DDX1: variants seen among roughly 807,000 people sequenced by gnomAD.
DDX1 encodes ATP-dependent RNA helicase DDX1.
A neutral mutation model predicts 108.7 loss-of-function variants in DDX1; 28 were observed. That is an observed-to-expected ratio of 0.26 (90% CI 0.19 to 0.35). DDX1 has a LOEUF of 0.35. Ranked by LOEUF, DDX1 falls within the 10% of genes least tolerant of loss-of-function variation. The pLI is 1.00. For missense variants in DDX1, 710 were observed against 884.5 expected, an observed-to-expected ratio of 0.80 and a Z score of 2.50; for synonymous variants, 295 against 288.9, an observed-to-expected ratio of 1.02 and a Z score of -0.21.
Position 15,602,548 on chromosome 2 carries a change from C to G in DDX1, c.308C>G (p.Ala103Gly). The G allele has an allele frequency of 6.2e-7, 1 of 1,612,020 alleles. No homozygotes were observed. The highest frequency in any genetic ancestry group is 8.5e-7 in the Non-Finnish European group (1 of 1,178,148). Residue 103 changes from alanine to glycine, a missense_variant and splice_region_variant, in exon 7 of 26, where the codon GCA (alanine) becomes GGA (glycine). This residue lies in a region of DDX1 where 661 missense variants were observed against 810.2 expected (regional missense o/e 0.82). Transcript: ENST00000233084. ...MNPYDRGSAF[A>G]IGSDGLCCQS... The stretch of plus-strand genomic sequence containing the variant: ...TTCTGTGTTTTCTTCTCAAATCCAG[C>G]AATTGGGTCAGATGGTCTTTGTTGT...
chr2:15,610,433 T>G (rs1274017828), intron 13 of DDX1, among the ~76,000 whole-genome samples: 1 of 152,232 alleles, frequency 6.6e-6, no homozygotes, highest in Non-Finnish European at 1.5e-5. Flanking sequence ...TAGAGTTAAT[T>G]TCTGTGTATG....
intron 13 of DDX1, among the ~76,000 whole-genome samples, chr2:15,611,672 G>A (rs1222333061): frequency 8.8e-6 from 1 of 113,430 alleles, no homozygotes; most frequent in African/African-American, 4.6e-5. Flanking sequence ...CGGACGGGGC[G>A]GCTGGCCGGG....
At position 15,616,792 on chromosome 2, in the gene DDX1, C is replaced by T. The variant is rs3770464; in HGVS notation, c.1018-452C>T. ...GGGACACTCTGCGTCTAGTGCTTTA[C>T]GCATCTTATCTCTTAATTATCACAA... On this transcript the variant is annotated intron_variant, in intron 14 of 25. Coordinates refer to ENST00000233084, the MANE Select transcript of DDX1 (RefSeq NM_004939.3). 0.017 allele frequency among the ~76,000 whole-genome samples: 2,528 copies of T among 152,228 alleles called. 116 individuals are homozygous for T. The East Asian group carries it at 0.22, about 13-fold the overall frequency.
chr2:15,596,915 C>T, intron 4 of DDX1, 152 bp downstream of exon 4: 3 of 665,260 alleles, frequency 4.5e-6, no homozygotes, highest in Non-Finnish European at 7.7e-6. Context: ...TTTTTGTTGC[C>T]AGCTAATTAT....
At position 15,628,829 on chromosome 2, in the gene DDX1, A is replaced by C; in HGVS notation, c.1865A>C (p.Glu622Ala). ...MGLAISLVAT[E>A]KEKVWYHVCS... ...CTGGCAATTTCCCTGGTGGCAACAG[A>C]AAAAGAAAAGGTAATCTTTGTAGGG... The change falls in exon 23 of 26, where the codon GAA becomes GCA. Residue 622 changes from glutamate to alanine, a missense_variant. Around this residue, in one of 3 missense-constraint regions of DDX1, gnomAD observed 661 missense variants for 810.2 expected, o/e 0.82. Coordinates refer to ENST00000233084, the MANE Select transcript of DDX1 (RefSeq NM_004939.3). 6.2e-7 allele frequency: 1 copy of C among 1,613,576 alleles called. No homozygotes were observed. The highest frequency in any genetic ancestry group is 2.2e-5 in the East Asian group (1 of 44,862).
intron 16 of DDX1, 75 bp downstream of exon 16, chr2:15,618,345 T>C (rs1665934244): frequency 2.5e-6 from 2 of 793,476 alleles, no homozygotes; most frequent in Non-Finnish European, 2.1e-6. Context: ...TCCCAGGGGG[T>C]GTTGCTTTTC....
intron 16 of DDX1, among the ~76,000 whole-genome samples, chr2:15,619,679 G>C (rs1202398979): frequency 2.6e-5 from 4 of 152,188 alleles, no homozygotes; most frequent in African/African-American, 9.7e-5. Flanking sequence ...AGTCTTAAAA[G>C]CTGCTTTTAG....
intron 24 of DDX1, 44 bp downstream of exon 24, chr2:15,629,741 A>G (rs1666161843): frequency 7.2e-7 from 1 of 1,388,126 alleles, no homozygotes; most frequent in African/African-American, 1.5e-5. Context: ...TTAAAATGGT[A>G]GAATAGAAAG....
In DDX1 at chr2:15,629,788, G is replaced by C. The variant is rs149299352; in HGVS notation, c.1971+91G>C. On this transcript the variant is annotated intron_variant, in intron 24 of 25. Transcript: ENST00000233084. ...AAAAATTATATCTTGGCTTTTATCT[G>C]TTTGTCACTTATAAGGGAAAGTCGT... 5.1e-5 allele frequency: 57 copies of C among 1,126,510 alleles called. No individual in the cohort carries two copies. In the East Asian group the frequency reaches 1.3e-3, roughly 26 times the overall value. 69.8% of individuals were successfully genotyped at this position (1,126,510 alleles called of 1,614,324 possible).
intron 1 of DDX1, 24 bp downstream of exon 1, chr2:15,591,973 G>C (rs199872014): frequency 2.1e-6 from 3 of 1,404,406 alleles, no homozygotes; most frequent in Admixed American, 3.4e-5. Context: ...AACTCTGGGG[G>C]TGGTGGGGCG....
At position 15,603,249 on chromosome 2, in the gene DDX1, C is replaced by T; in HGVS notation, c.449C>T (p.Ser150Phe). The change falls in exon 8 of 26, where the codon TCT becomes TTT. Residue 150 changes from serine (S) to phenylalanine (F), a missense_variant. Physicochemically the swap from Ser to Phe is radical, Grantham distance 155. This residue lies in a region of DDX1 where 661 missense variants were observed against 810.2 expected (regional missense o/e 0.82). Transcript: ENST00000233084. ...HDQGLCRVGWSTMQASLDLGT... is the reference protein window; with the variant it reads ...HDQGLCRVGWFTMQASLDLGT... The stretch of plus-strand genomic sequence containing the variant: ...CAAGGGTTATGCAGGGTCGGGTGGT[C>T]TACCATGCAGGCCTCTTTGGACCTA... The T allele has an allele frequency of 6.2e-7, 1 of 1,613,354 alleles. No individual in the cohort carries two copies.
chr2:15,597,914 A>G (rs1274122041), intron 5 of DDX1, among the ~76,000 whole-genome samples: 4 of 152,156 alleles, frequency 2.6e-5, no homozygotes, highest in Middle Eastern at 3.4e-3. Context: ...GGAACCACCT[A>G]GGAAGTTAAA....
chr2:15,610,867 TTTTTTTA>T (rs1665740278), intron 13 of DDX1, among the ~76,000 whole-genome samples: 1 of 151,980 alleles, frequency 6.6e-6, no homozygotes. Context: ...GACTTGTTTT[TTTTTTTA>T]TTTTTTATTT....
In DDX1 at chr2:15,629,974, T is replaced by C. The variant is rs748553487; in HGVS notation, c.1972-16T>C. ...AAATGAAATTTTTATTTGGAAATTTTCTCTCCATTACTTAGTTACTATCTG... is the reference window on the plus strand; with the variant it reads ...AAATGAAATTTTTATTTGGAAATTTCCTCTCCATTACTTAGTTACTATCTG... On this transcript the variant is annotated splice_polypyrimidine_tract_variant and intron_variant, in intron 24 of 25. Transcript: ENST00000233084. The C allele has an allele frequency of 3.2e-6, 5 of 1,562,508 alleles. No homozygotes were observed. In the South Asian group the frequency reaches 5.0e-5, roughly 15 times the overall value.
intron 13 of DDX1, among the ~76,000 whole-genome samples, chr2:15,609,328 A>G (rs1665717994): frequency 6.6e-6 from 1 of 152,236 alleles, no homozygotes; most frequent in African/African-American, 2.4e-5. Flanking sequence ...CTTGTTTGGT[A>G]TTCGGTACAA....
chr2:15,629,894 C>G lies in DDX1; in HGVS notation c.1972-96C>G, dbSNP rs1666164854. 3.2e-6 allele frequency: 4 copies of G among 1,248,318 alleles called. No individual in the cohort carries two copies. The East Asian group carries it at 9.6e-5, about 30-fold the overall frequency. The allele number at this position is 1,248,318 out of a possible 1,614,324, so 77.3% of individuals were successfully genotyped here. On this transcript the variant is annotated intron_variant, in intron 24 of 25. Coordinates refer to ENST00000233084, the MANE Select transcript of DDX1 (RefSeq NM_004939.3). ...TCAGAAATCTGACTTCCATTTATAC[C>G]AAGCATTCTGGCCTTTCCAGCTTTA...
At position 15,613,402 on chromosome 2, in the gene DDX1, G is replaced by T. The variant is rs1022079680; in HGVS notation, c.1017+118G>T. The T allele has an allele frequency of 6.8e-6, 4 of 584,108 alleles. No homozygotes were observed. The African/African-American group carries it at 7.7e-5, about 11-fold the overall frequency. 36.2% of individuals were successfully genotyped at this position (584,108 alleles called of 1,614,324 possible). On this transcript the variant is annotated intron_variant, in intron 14 of 25. Coordinates refer to ENST00000233084, the MANE Select transcript of DDX1 (RefSeq NM_004939.3). The stretch of plus-strand genomic sequence containing the variant: ...CTGAAATTAGAGCAAGGTCAGAGGA[G>T]TATGTTTGTTCAAAGACATCTTGCA...
At chr2:15,622,821 A>G (rs1304033084) in intron 18 of DDX1, among the ~76,000 whole-genome samples, 5 of 152,198 alleles carry the variant, frequency 3.3e-5, no homozygotes, top group African/African-American at 1.2e-4. Context: ...GACCTTAGAA[A>G]TATGTTGGGT....
chr2:15,595,160 C>G lies in DDX1; in HGVS notation c.32C>G (p.Pro11Arg). The part of the protein sequence containing the change: MAAFSEMGVM[P>R]EIAQAVEEMD... ...TTACTTTCAGAGATGGGTGTAATGC[C>G]TGAGATTGCACAAGCTGTGGAAGAG... Residue 11 changes from proline (P) to arginine (R), a missense_variant, in exon 2 of 26, where the codon CCT becomes CGT. Around this residue, in one of 3 missense-constraint regions of DDX1, gnomAD observed 48 missense variants for 57.5 expected, o/e 0.83. Transcript: ENST00000233084. 1 of 1,611,008 alleles carries G rather than the reference C, an allele frequency of 6.2e-7. No individual in the cohort carries two copies.
Sources: gnomAD v4.1 joint callset for allele counts (sites outside exome capture counted in the v4.1 genomes callset) on GRCh38, gnomAD v4.1.1 for gene constraint, gnomAD v4.1.1 regional missense constraint, MANE v1.5 for transcripts, NCBI Gene and HGNC (gene_info 2026-07-23, HGNC 2026-07-21) for gene names.